The following TGS1 variants were observed in gnomAD, a reference collection of about 807,000 sequenced individuals.
TGS1 encodes trimethylguanosine synthase 1.
Under a neutral mutation model 92.2 loss-of-function variants are expected in TGS1, and 69 were observed. That is an observed-to-expected ratio of 0.75 (90% CI 0.62 to 0.91). The LOEUF is 0.91. Among genes scored for constraint, TGS1 ranks in the 40% least tolerant of loss-of-function variants. The pLI is 0.00. For missense variants in TGS1, 1,062 were observed against 1,001.2 expected (o/e 1.06, Z -0.82); for synonymous variants, 345 against 338.1 (o/e 1.02, Z -0.22).
intron 12 of TGS1, among the ~76,000 whole-genome samples, chr8:55,814,633 C>G (rs527918800): frequency 1.3e-4 from 18 of 139,032 alleles, no homozygotes; most frequent in African/African-American, 4.6e-4. Flanking sequence ...CCAGCCTGGC[C>G]AACATGGCAA....
At chr8:55,780,060 T>C (rs1383929029) in intron 1 of TGS1, among the ~76,000 whole-genome samples, 1 of 151,928 alleles carries the variant, frequency 6.6e-6, no homozygotes, top group South Asian at 2.1e-4. Context: ...TTTCACCATG[T>C]GTGCCAGACT....
At chr8:55,773,783 C>G (rs1310089764) in intron 1 of TGS1, 64 bp downstream of exon 1, 15 of 1,336,088 alleles carry the variant, frequency 1.1e-5, no homozygotes, top group Non-Finnish European at 1.6e-5. Context: ...GTAGGTATTG[C>G]AAACGTGGTT....
chr8:55,807,777 C>G (rs1232833898), intron 10 of TGS1, among the ~76,000 whole-genome samples: 1 of 151,966 alleles, frequency 6.6e-6, no homozygotes, highest in African/African-American at 2.4e-5. Flanking sequence ...GCAATCCTCC[C>G]CTTGGCCTCT....
At chr8:55,785,471 A>G (rs1306433011) in intron 2 of TGS1, among the ~76,000 whole-genome samples, 1 of 152,144 alleles carries the variant, frequency 6.6e-6, no homozygotes, top group African/African-American at 2.4e-5. Flanking sequence ...AGGCTGAGGC[A>G]AGAGGACTGA....
intron 12 of TGS1, among the ~76,000 whole-genome samples, chr8:55,819,518 G>A (rs567059355): frequency 6.4e-4 from 96 of 149,892 alleles, no homozygotes; most frequent in African/African-American, 2.2e-3. Context: ...GGCTGGTCTC[G>A]AACTCCCGAC....
chr8:55,795,991 C>T lies in TGS1; in HGVS notation c.1381C>T (p.Pro461Ser). The change falls in exon 7 of 13, where the codon CCA becomes TCA. Residue 461 changes from proline to serine, a missense_variant. Physicochemically the swap from Pro to Ser is moderately conservative, Grantham distance 74. Transcript: ENST00000260129. Reference sequence around the variant, plus strand: ...GATCTGTCACAGATATGGTGGAATCCCAAATTTCAGTCATCGGCAGGTCAG... The same window carrying T: ...GATCTGTCACAGATATGGTGGAATCTCAAATTTCAGTCATCGGCAGGTCAG... ...YGSGQKYGGI[P>S]NFSHRQVRYL... 6.2e-7 allele frequency: 1 copy of T among 1,612,586 alleles called. No homozygotes were observed. Among genetic ancestry groups the T allele is most frequent in the East Asian group, 2.2e-5 (1 of 44,722 alleles).
At chr8:55,792,260 C>A (rs1415156172) in intron 5 of TGS1, among the ~76,000 whole-genome samples, 110 of 152,074 alleles carry the variant, frequency 7.2e-4, no homozygotes, top group Non-Finnish European at 5.9e-5. Flanking sequence ...CAACCTTATT[C>A]TTTTTAGTAA....
rs954813684 is a variant in TGS1, at chr8:55,824,551, T to C, written c.2440-30T>C. ...ACTTTTGAAATTATGCTTAGGTGTGTGTGTGACTTTCTTCTGTTCATCTTT... is the reference window on the plus strand; with the variant it reads ...ACTTTTGAAATTATGCTTAGGTGTGCGTGTGACTTTCTTCTGTTCATCTTT... On this transcript the variant is annotated intron_variant, in intron 12 of 12. Coordinates refer to ENST00000260129, the MANE Select transcript of TGS1 (RefSeq NM_024831.8). 3.7e-6 allele frequency: 6 copies of C among 1,613,852 alleles called. No individual in the cohort carries two copies. In the African/African-American group the frequency reaches 6.7e-5, roughly 18 times the overall value.
intron 3 of TGS1, 26 bp from the exon 4 acceptor site, chr8:55,786,212 A>G (rs1811703252): frequency 1.7e-6 from 2 of 1,153,388 alleles, no homozygotes; most frequent in Non-Finnish European, 1.2e-6. Context: ...AGTGCATTTT[A>G]TATTCAAGTT....
At chr8:55,818,995 A>G (rs538380722) in intron 12 of TGS1, among the ~76,000 whole-genome samples, 1 of 152,292 alleles carries the variant, frequency 6.6e-6, no homozygotes, top group South Asian at 2.1e-4. Context: ...ACAAGGCTGC[A>G]GTACAGTGAC....
intron 10 of TGS1, among the ~76,000 whole-genome samples, chr8:55,805,986 A>C (rs1812357510): frequency 6.6e-6 from 1 of 150,580 alleles, no homozygotes; most frequent in African/African-American, 2.4e-5. Flanking sequence ...CTGAGCCCAG[A>C]AATTGCAGGC....
intron 11 of TGS1, 34 bp downstream of exon 11, chr8:55,811,131 CAAT>C (rs1457819983): frequency 8.5e-7 from 1 of 1,172,388 alleles, no homozygotes. Flanking sequence ...TTTACTGAAA[CAAT>C]GATTGTGGAG....
In TGS1 at chr8:55,799,157, GT is replaced by G. The variant is rs1173511167; in HGVS notation, c.1788del (p.Pro597GlnfsTer23). ...NYERDSLLAT[V>X]PDEQDCVTQE... is the part of the protein sequence containing the mutation. ...TGAAAGAGACAGCTTGCTAGCAACT[GT>G]TCCAGATGAGCAGGATTGTGTTACT... On this transcript the variant is annotated frameshift_variant, in exon 8 of 13. Transcript: ENST00000260129. LOFTEE classifies it high-confidence loss of function. The G allele has an allele frequency of 2.5e-6, 4 of 1,614,050 alleles. No individual in the cohort carries two copies. In the African/African-American group the frequency reaches 4.0e-5, roughly 16 times the overall value.
intron 2 of TGS1, 146 bp downstream of exon 2, chr8:55,782,958 T>A (rs1394563285): frequency 1.7e-6 from 1 of 600,068 alleles, no homozygotes; most frequent in African/African-American, 1.9e-5. Context: ...AATTTTTATT[T>A]TCTTTTATAA....
At chr8:55,805,683 C>T (rs139433280) in intron 10 of TGS1, among the ~76,000 whole-genome samples, 5 of 151,884 alleles carry the variant, frequency 3.3e-5, no homozygotes, top group East Asian at 1.9e-4. Flanking sequence ...GTCAGGAGTT[C>T]GACACCAGCC....
chr8:55,785,792 A>G lies in TGS1; in HGVS notation c.240A>G (p.Ile80Met), dbSNP rs752164104. The change falls in exon 3 of 13, where the codon ATA becomes ATG. Residue 80 changes from isoleucine (I) to methionine (M), a missense_variant. By Grantham distance (10) the Ile-to-Met change is conservative. Coordinates refer to ENST00000260129, the MANE Select transcript of TGS1 (RefSeq NM_024831.8). ...GTAESHDSKG[I>M]GLDESELDSE... ...CAGAATCACATGACAGCAAAGGCAT[A>G]GGCCTGGATGAAAGTGAACTTGATT... 11 of 1,613,920 alleles carry G rather than the reference A, an allele frequency of 6.8e-6. No homozygotes were observed. The highest frequency in any genetic ancestry group is 8.5e-6 in the Non-Finnish European group (10 of 1,179,862).
chr8:55,801,406 G>A (rs968216737), intron 8 of TGS1, among the ~76,000 whole-genome samples: 2 of 151,284 alleles, frequency 1.3e-5, no homozygotes, highest in African/African-American at 2.4e-5. Context: ...GAGTAGCTGG[G>A]ATTAGAGGCA....
chr8:55,798,615 T>G (rs1585773880), intron 7 of TGS1, among the ~76,000 whole-genome samples: 2 of 152,348 alleles, frequency 1.3e-5, no homozygotes, highest in East Asian at 3.9e-4. Context: ...TTAAGAACCC[T>G]TATGGAAAAG....
rs1563453720 is a variant in TGS1 at position 55,787,007 on chromosome 8, C to A, written c.1109C>A (p.Thr370Asn). 1 of 1,613,966 alleles carries A rather than the reference C, an allele frequency of 6.2e-7. No homozygotes were observed. Among genetic ancestry groups the A allele is most frequent in the Non-Finnish European group, 8.5e-7 (1 of 1,179,974 alleles). ...SGQSEPRNGG[T>N]NEESNSSGNT... ...CAAAGTGAACCACGTAATGGAGGAACCAATGAGGAAAGCAACTCATCGGGG... is the reference window on the plus strand; with the variant it reads ...CAAAGTGAACCACGTAATGGAGGAAACAATGAGGAAAGCAACTCATCGGGG... Residue 370 changes from threonine to asparagine, a missense_variant, in exon 4 of 13, where the codon ACC becomes AAC. Thr to Asn is a moderately conservative substitution (Grantham distance 65). Coordinates refer to ENST00000260129, the MANE Select transcript of TGS1 (RefSeq NM_024831.8).
Sources: gnomAD v4.1 joint callset for allele counts (sites outside exome capture counted in the v4.1 genomes callset) on GRCh38, gnomAD v4.1.1 for gene constraint, MANE v1.5 for transcripts, NCBI Gene and HGNC (gene_info 2026-07-23, HGNC 2026-07-21) for gene names.